ANO5: variants seen among roughly 807,000 people sequenced by gnomAD.
ANO5 encodes the protein anoctamin-5.
In ANO5, 109 loss-of-function variants were observed where a neutral mutation model predicts 121.0. The observed-to-expected ratio is 0.90, with a 90% confidence interval of 0.77 to 1.06. The LOEUF (loss-of-function observed/expected upper bound fraction) is 1.06. Ranked by LOEUF, ANO5 falls within the 50% of genes least tolerant of loss-of-function variation. The probability of loss-of-function intolerance (pLI) is 0.00; values close to 1 mark genes in which losing one functional copy is unlikely to be tolerated. For synonymous variants in ANO5, 406 were observed against 359.9 expected (o/e 1.13, Z -1.45); for missense variants, 1,064 against 1,078.5 (o/e 0.99, Z 0.19).
chr11:22,274,571 C>G lies in ANO5; in HGVS notation c.2238C>G (p.Ala746=). The G allele has an allele frequency of 6.3e-7, 1 of 1,589,676 alleles. No individual in the cohort carries two copies. Among genetic ancestry groups the G allele is most frequent in the Non-Finnish European group, 8.6e-7 (1 of 1,166,322 alleles). Residue 746 remains alanine (A), a splice_region_variant and synonymous_variant, in exon 20 of 22, where the codon GCC becomes GCG. Transcript: ENST00000324559. ...CTCTTTTTTTTTTTATTCTTCAGGCCTTTATTGTTGCATTTACGTCAGACA... is the reference window on the plus strand; with the variant it reads ...CTCTTTTTTTTTTTATTCTTCAGGCGTTTATTGTTGCATTTACGTCAGACA... ...GMAVLSVATN[A]FIVAFTSDII...
intron 3 of ANO5, among the ~76,000 whole-genome samples, chr11:22,214,942 C>T (rs1313183288): frequency 6.6e-6 from 1 of 151,662 alleles, no homozygotes; most frequent in Non-Finnish European, 1.5e-5. Context: ...CTATTTGAAA[C>T]AAAATAGTGA....
intron 10 of ANO5, 132 bp from the exon 11 acceptor site, chr11:22,250,609 A>G (rs1384768972): frequency 2.8e-6 from 3 of 1,059,092 alleles, no homozygotes; most frequent in South Asian, 1.3e-5. Context: ...TTGACCCACT[A>G]TAGAAATTGC....
intron 2 of ANO5, among the ~76,000 whole-genome samples, chr11:22,209,654 G>A (rs947168123): frequency 1.5e-4 from 23 of 151,794 alleles, no homozygotes; most frequent in Admixed American, 2.6e-4. Context: ...AAGGATTCTC[G>A]TTTTGCCTAA....
In ANO5 at chr11:22,283,253, A is replaced by G. The variant is rs1303122220; in HGVS notation, c.*3488A>G. ...TTCTTCCAAGTTTTTTTTTCCAGGA[A>G]GAGAAATATGCAGTTATGCAGGAAA... is the stretch of plus-strand genomic sequence containing the variant. On this transcript the variant is annotated 3_prime_UTR_variant, in exon 22 of 22. Coordinates refer to ENST00000324559, the MANE Select transcript of ANO5 (RefSeq NM_213599.3). 6.6e-6 allele frequency: 1 copy of G among 152,192 alleles called. No homozygotes were observed. The highest frequency in any genetic ancestry group is 1.5e-5 in the Non-Finnish European group (1 of 68,042). 9.4% of individuals were successfully genotyped at this position (152,192 alleles called of 1,614,324 possible).
intron 5 of ANO5, among the ~76,000 whole-genome samples, chr11:22,225,282 C>T (rs1852786369): frequency 6.6e-6 from 1 of 151,892 alleles, no homozygotes; most frequent in Non-Finnish European, 1.5e-5. Context: ...GATAATGAGA[C>T]ACAGTCTCTA....
At chr11:22,213,891 TTTTTGTTTTG>T (rs59952448) in intron 3 of ANO5, among the ~76,000 whole-genome samples, 13 of 148,488 alleles carry the variant, frequency 8.8e-5, no homozygotes, top group South Asian at 2.1e-4. Context: ...GGTGTTTTGT[TTTTTGTTTTG>T]TTTTGTTTTG....
chr11:22,196,878 A>G (rs1851829358), intron 1 of ANO5, among the ~76,000 whole-genome samples: 1 of 152,192 alleles, frequency 6.6e-6, no homozygotes, highest in Admixed American at 6.5e-5. Context: ...AAATAAATAA[A>G]TAAATAAAAT....
At chr11:22,193,641 C>A in intron 1 of ANO5, 109 bp downstream of exon 1, 1 of 1,372,984 alleles carries the variant, frequency 7.3e-7, no homozygotes, top group Non-Finnish European at 1.0e-6. Flanking sequence ...GGCCTGAGTC[C>A]TAGGGAGGTT....
rs1855139512 is a variant in ANO5, at chr11:22,283,221, A to T, written c.*3456A>T. The T allele has an allele frequency of 6.6e-6, 1 of 151,832 alleles. No individual in the cohort carries two copies. The highest frequency in any genetic ancestry group is 2.4e-5 in the African/African-American group (1 of 41,426). The allele number at this position is 151,832 out of a possible 1,614,324, so 9.4% of individuals were successfully genotyped here. On this transcript the variant is annotated 3_prime_UTR_variant, in exon 22 of 22. Transcript: ENST00000324559. ...ACAGGAAATGAGTGCTCCTTTTTAA[A>T]ATTTCTTTCTTCCAAGTTTTTTTTT...
At chr11:22,268,274 CT>C (rs147615939) in intron 17 of ANO5, among the ~76,000 whole-genome samples, 19,280 of 147,570 alleles carry the variant, frequency 0.13, 3,520 homozygotes, top group African/African-American at 0.4. Flanking sequence ...AAACAGTTGA[CT>C]TTTTTTTTTA....
chr11:22,239,705 C>A, intron 9 of ANO5, 21 bp downstream of exon 9: 1 of 1,528,232 alleles, frequency 6.5e-7, no homozygotes, highest in Admixed American at 1.7e-5. Context: ...TACACAGGAT[C>A]AGACCAATTA....
intron 16 of ANO5, 76 bp from the exon 17 acceptor site, chr11:22,262,870 A>G: frequency 9.1e-7 from 1 of 1,095,994 alleles, no homozygotes; most frequent in African/African-American, 1.5e-5. Flanking sequence ...TTTATAGTTT[A>G]GGGTTTCCTT....
upstream of ANO5, chr11:22,193,022 G>A: frequency 1.0e-6 from 1 of 985,380 alleles, no homozygotes; most frequent in Non-Finnish European, 1.2e-6. Context: ...CTGGAGGCGG[G>A]GAAAGAGGCG....
intron 17 of ANO5, among the ~76,000 whole-genome samples, chr11:22,269,942 A>G (rs940465268): frequency 4.6e-5 from 7 of 152,032 alleles, no homozygotes; most frequent in African/African-American, 1.4e-4. Flanking sequence ...ATTATAGTCA[A>G]TTTCATATTT....
chr11:22,272,762 T>C, intron 18 of ANO5, 22 bp from the exon 19 acceptor site: 1 of 1,603,336 alleles, frequency 6.2e-7, no homozygotes, highest in East Asian at 2.2e-5. Context: ...AATGAGTTCA[T>C]GCCTTTTTCT....
intron 1 of ANO5, 93 bp downstream of exon 1, chr11:22,193,625 C>A (rs2133474832): frequency 1.3e-6 from 2 of 1,481,888 alleles, no homozygotes; most frequent in African/African-American, 2.8e-5. Context: ...ACGTTGGCGG[C>A]CCTGCGGCCT....
chr11:22,207,882 T>G (rs1852165351), intron 2 of ANO5, among the ~76,000 whole-genome samples: 1 of 151,914 alleles, frequency 6.6e-6, no homozygotes, highest in Admixed American at 6.6e-5. Context: ...CATATTGAGA[T>G]CTTTCACTAA....
chr11:22,276,118 T>C lies in ANO5; in HGVS notation c.2439T>C (p.Pro813=). ...GGTACAGAGATTACAGATATCCTCC[T>C]GATGACGAGAATAAATATTTTCATA... ...TCRYRDYRYP[P]DDENKYFHNM... is the part of the protein sequence containing the mutation. Residue 813 remains proline, a synonymous_variant, in exon 21 of 22, where the codon CCT becomes CCC. Transcript: ENST00000324559. 6.2e-7 allele frequency: 1 copy of C among 1,610,578 alleles called. No individual in the cohort carries two copies. The highest frequency in any genetic ancestry group is 8.5e-7 in the Non-Finnish European group (1 of 1,177,296).
intron 4 of ANO5, among the ~76,000 whole-genome samples, chr11:22,218,801 A>T (rs1331784107): frequency 6.6e-6 from 1 of 151,936 alleles, no homozygotes; most frequent in East Asian, 1.9e-4. Flanking sequence ...GAGCTCAAGC[A>T]ATCATCTCTC....
Sources: gnomAD v4.1 joint callset for allele counts (sites outside exome capture counted in the v4.1 genomes callset) on GRCh38, gnomAD v4.1.1 for gene constraint, MANE v1.5 for transcripts, NCBI Gene and HGNC (gene_info 2026-07-23, HGNC 2026-07-21) for gene names.